The following SGCZ variants were observed in gnomAD, a reference collection of about 807,000 sequenced individuals.
SGCZ encodes the protein zeta-sarcoglycan.
A neutral mutation model predicts 41.3 loss-of-function variants in SGCZ; 40 were observed. The observed-to-expected ratio is 0.97, with a 90% CI of 0.75 to 1.26. The LOEUF (loss-of-function observed/expected upper bound fraction) is 1.26, where lower values mean the gene tolerates loss of function less well. Ranked by LOEUF, SGCZ falls within the 50% of genes most tolerant of loss-of-function variation. The pLI is 0.00. For missense variants in SGCZ, 552 were observed against 369.8 expected (o/e 1.49, Z -4.04); for synonymous variants, 206 against 137.5 (o/e 1.50, Z -3.49).
rs924974818 is a variant in SGCZ at position 15,113,966 on chromosome 8, A to C, written c.39+123619T>G. On this transcript the variant is annotated intron_variant, in intron 1 of 7. Coordinates refer to ENST00000382080, the MANE Select transcript of SGCZ (RefSeq NM_139167.4). ...GCATTTCTCTAGGCTGTGCCTCCTC[A>C]GTCATTTTTTGACAGAAAACAAGAT... is the stretch of plus-strand genomic sequence containing the variant. Among the ~76,000 whole-genome samples the C allele has an allele frequency of 3.9e-5, 6 of 152,170 alleles. No individual in the cohort carries two copies. In the East Asian group the frequency reaches 9.6e-4, roughly 24 times the overall value.
At chr8:14,769,969 A>G (rs1466932489) in intron 1 of SGCZ, among the ~76,000 whole-genome samples, 1 of 151,810 alleles carries the variant, frequency 6.6e-6, no homozygotes, top group Non-Finnish European at 1.5e-5. Context: ...AGTACAGTAT[A>G]GGCATATACC....
chr8:14,325,773 T>C (rs868295771), intron 2 of SGCZ, among the ~76,000 whole-genome samples: 4,363 of 110,526 alleles, frequency 0.039, 256 homozygotes, highest in African/African-American at 0.16. Flanking sequence ...TATATATATA[T>C]ATATATATAT....
chr8:14,115,775 A>T (rs960573771), intron 5 of SGCZ, among the ~76,000 whole-genome samples: 26 of 151,254 alleles, frequency 1.7e-4, no homozygotes, highest in African/African-American at 6.3e-4. Flanking sequence ...CATCAGTTAC[A>T]CCATAAACTG....
chr8:15,142,667 C>A (rs1428255763), intron 1 of SGCZ, among the ~76,000 whole-genome samples: 2 of 151,576 alleles, frequency 1.3e-5, no homozygotes, highest in African/African-American at 4.9e-5. Context: ...TTCCCGCCCC[C>A]ACCCCCCAAT....
At chr8:14,100,673 A>G (rs1801992526) in intron 7 of SGCZ, among the ~76,000 whole-genome samples, 1 of 150,342 alleles carries the variant, frequency 6.7e-6, no homozygotes, top group Non-Finnish European at 1.5e-5. Flanking sequence ...ATGGTATAAT[A>G]TCTGCTAACA....
chr8:14,428,000 A>G (rs1353350281), intron 2 of SGCZ, among the ~76,000 whole-genome samples: 3 of 152,058 alleles, frequency 2.0e-5, no homozygotes, highest in African/African-American at 7.2e-5. Context: ...TTATATGCAA[A>G]TACTATGTGA....
rs1802262407 is a variant in SGCZ at position 14,108,132 on chromosome 8, T to C, written c.620+31A>G. On this transcript the variant is annotated intron_variant, in intron 6 of 7. Transcript: ENST00000382080. The stretch of plus-strand genomic sequence containing the variant: ...TAAGGATTATCAACAATGATGGATT[T>C]TATGCCACAGGTATAAGAGGAAGCC... 2.5e-6 allele frequency: 4 copies of C among 1,602,338 alleles called. No individual in the cohort carries two copies. In the South Asian group the frequency reaches 4.4e-5, roughly 18 times the overall value.
chr8:14,305,532 T>A (rs1309670038), intron 3 of SGCZ, among the ~76,000 whole-genome samples: 2 of 152,198 alleles, frequency 1.3e-5, no homozygotes, highest in African/African-American at 4.8e-5. Flanking sequence ...AAAATTAATC[T>A]TATTAAATTT....
intron 1 of SGCZ, among the ~76,000 whole-genome samples, chr8:14,841,269 G>A (rs1802899009): frequency 6.6e-6 from 1 of 152,066 alleles, no homozygotes; most frequent in Non-Finnish European, 1.5e-5. Context: ...CTTCTCTTCT[G>A]CTGCATCTAC....
intron 1 of SGCZ, among the ~76,000 whole-genome samples, chr8:14,698,121 G>A (rs138502032): frequency 9.2e-5 from 14 of 151,924 alleles, no homozygotes; most frequent in East Asian, 5.8e-4. Context: ...TTAAATAATC[G>A]CCTTTCTAGC....
Position 14,776,695 on chromosome 8 carries a change from G to A in SGCZ, c.40-221769C>T, listed in dbSNP as rs925779827. Among the ~76,000 whole-genome samples, 7 of 151,526 alleles carry A rather than the reference G, an allele frequency of 4.6e-5. No homozygotes were observed. The East Asian group carries it at 1.4e-3, about 30-fold the overall frequency. On this transcript the variant is annotated intron_variant, in intron 1 of 7. Coordinates refer to ENST00000382080, the MANE Select transcript of SGCZ (RefSeq NM_139167.4). ...TTTTTAGTAGAGGCGGGGTTTCACC[G>A]TGTTAGCCAGGATGGTCTCCATCTC...
intron 1 of SGCZ, among the ~76,000 whole-genome samples, chr8:14,983,161 G>T (rs573131072): frequency 3.3e-5 from 5 of 150,482 alleles, no homozygotes; most frequent in Non-Finnish European, 1.5e-5. Flanking sequence ...CATTGTATTC[G>T]GTGCTGTCAC....
chr8:14,176,082 C>G (rs1804533848), intron 4 of SGCZ, among the ~76,000 whole-genome samples: 1 of 152,082 alleles, frequency 6.6e-6, no homozygotes, highest in Non-Finnish European at 1.5e-5. Flanking sequence ...AAGAAATTGT[C>G]AAATCCTGAA....
intron 1 of SGCZ, among the ~76,000 whole-genome samples, chr8:15,100,061 C>T (rs1299084654): frequency 1.3e-5 from 2 of 152,100 alleles, no homozygotes; most frequent in African/African-American, 2.4e-5. Context: ...GATGTCTTTT[C>T]TTACCACTTC....
At chr8:15,028,888 T>C (rs1217964967) in intron 1 of SGCZ, among the ~76,000 whole-genome samples, 1 of 152,104 alleles carries the variant, frequency 6.6e-6, no homozygotes, top group East Asian at 1.9e-4. Context: ...ATTTAGAATA[T>C]ATTCAAGATA....
intron 1 of SGCZ, among the ~76,000 whole-genome samples, chr8:15,134,677 AG>A (rs1433446981): frequency 6.6e-6 from 1 of 152,182 alleles, no homozygotes; most frequent in African/African-American, 2.4e-5. Flanking sequence ...GTCACCAAAA[AG>A]CCCAATTCAG....
chr8:15,132,649 T>A (rs773296412), intron 1 of SGCZ, among the ~76,000 whole-genome samples: 5 of 152,144 alleles, frequency 3.3e-5, no homozygotes, highest in Non-Finnish European at 7.3e-5. Context: ...TCTAAAAAAT[T>A]TAACGAGTTG....
chr8:14,385,064 T>G (rs886843853), intron 2 of SGCZ, among the ~76,000 whole-genome samples: 2 of 152,200 alleles, frequency 1.3e-5, no homozygotes, highest in African/African-American at 4.8e-5. Flanking sequence ...GAGTTGAGTT[T>G]AGTGATGTGC....
intron 5 of SGCZ, among the ~76,000 whole-genome samples, chr8:14,152,053 C>G (rs376148553): frequency 6.6e-6 from 1 of 151,888 alleles, no homozygotes; most frequent in Non-Finnish European, 1.5e-5. Context: ...ACACCAAAAG[C>G]ACAATTCATT....
Sources: gnomAD v4.1 joint callset for allele counts (sites outside exome capture counted in the v4.1 genomes callset) on GRCh38, gnomAD v4.1.1 for gene constraint, MANE v1.5 for transcripts, NCBI Gene and HGNC (gene_info 2026-07-23, HGNC 2026-07-21) for gene names.